The following NUP37 variants were observed in gnomAD, a reference collection of about 807,000 sequenced individuals.
NUP37 encodes the protein nucleoporin 37.
Under a neutral mutation model 45.4 loss-of-function variants are expected in NUP37, and 33 were observed. The observed-to-expected ratio is 0.73, with a 90% confidence interval of 0.55 to 0.97. The LOEUF is 0.97. Among genes scored for constraint, NUP37 ranks in the 50% least tolerant of loss-of-function variants. The probability of loss-of-function intolerance (pLI) is 0.00; values close to 1 mark genes in which losing one functional copy is unlikely to be tolerated. For synonymous variants in NUP37, 127 were observed against 130.7 expected (o/e 0.97, Z 0.19); for missense variants, 365 against 389.7 (o/e 0.94, Z 0.53).
chr12:102,114,008 T>G (rs1384494553), intron 2 of NUP37, among the ~76,000 whole-genome samples: 1 of 152,210 alleles, frequency 6.6e-6, no homozygotes, highest in Non-Finnish European at 1.5e-5. Flanking sequence ...AAAAAGTTTT[T>G]CCACAAATGA....
chr12:102,073,577 A>G lies in NUP37; in HGVS notation c.*777T>C, dbSNP rs1190224718. ...ATAAACAGGGTTGAGCAATATAATC[A>G]ATCACATATTTAAGAAACTGAAAAC... On this transcript the variant is annotated 3_prime_UTR_variant, in exon 10 of 10. Transcript: ENST00000552283. 6.6e-6 allele frequency: 1 copy of G among 152,250 alleles called. No individual in the cohort carries two copies. Among genetic ancestry groups the G allele is most frequent in the East Asian group, 1.9e-4 (1 of 5,202 alleles). The allele number at this position is 152,250 out of a possible 1,614,324, so 9.4% of individuals were successfully genotyped here.
chr12:102,076,345 A>G (rs1879166180), intron 8 of NUP37, among the ~76,000 whole-genome samples: 1 of 152,236 alleles, frequency 6.6e-6, no homozygotes, highest in Admixed American at 6.5e-5. Flanking sequence ...GGACCACACT[A>G]TACAATGGAG....
At chr12:102,104,190 T>C (rs1044251895) in intron 3 of NUP37, among the ~76,000 whole-genome samples, 2 of 152,138 alleles carry the variant, frequency 1.3e-5, no homozygotes, top group Non-Finnish European at 2.9e-5. Flanking sequence ...TCTCATGTGG[T>C]TTTGATTTGT....
At chr12:102,111,340 CAG>C (rs1442900523) in intron 3 of NUP37, among the ~76,000 whole-genome samples, 1 of 152,126 alleles carries the variant, frequency 6.6e-6, no homozygotes, top group Non-Finnish European at 1.5e-5. Flanking sequence ...GTGACAGAAA[CAG>C]TGCATGAATA....
In NUP37 at chr12:102,112,239, A is replaced by G. The variant is rs1880338796; in HGVS notation, c.157-7T>C. On this transcript the variant is annotated splice_region_variant and splice_polypyrimidine_tract_variant and intron_variant, in intron 2 of 9. Transcript: ENST00000552283. ...CAACGTCTGCTTCTTCTTCCTAAGC[A>G]TACACAGTAAATGTTTTAATAAGTA... 11 of 1,606,080 alleles carry G rather than the reference A, an allele frequency of 6.8e-6. No homozygotes were observed. The highest frequency in any genetic ancestry group is 1.1e-5 in the South Asian group (1 of 90,188).
chr12:102,085,623 T>TCTAGA, intron 6 of NUP37, 143 bp downstream of exon 6: 1 of 448,226 alleles, frequency 2.2e-6, no homozygotes, highest in East Asian at 3.5e-5. Flanking sequence ...AGTACAGGTT[T>TCTAGA]CTAGACTAAT....
rs778090459 is a variant in NUP37, at chr12:102,101,028, A to G, written c.354+4T>C. ...TCTAAAGATTTATATGGTTGTCAAC[A>G]TACCTTATATTCATTTTTATCCTGA... On this transcript the variant is annotated splice_donor_region_variant and intron_variant, in intron 4 of 9. Coordinates refer to ENST00000552283, the MANE Select transcript of NUP37 (RefSeq NM_024057.4). 32 of 1,469,386 alleles carry G rather than the reference A, an allele frequency of 2.2e-5. No individual in the cohort carries two copies. The East Asian group carries it at 7.6e-4, about 35-fold the overall frequency. 91.0% of individuals were successfully genotyped at this position (1,469,386 alleles called of 1,614,324 possible).
intron 5 of NUP37, among the ~76,000 whole-genome samples, chr12:102,091,995 G>A (rs1318746396): frequency 6.6e-6 from 1 of 152,022 alleles, no homozygotes; most frequent in Non-Finnish European, 1.5e-5. Context: ...TAACAAAAAG[G>A]TCCCATAAAT....
At chr12:102,105,589 C>A (rs1030292543) in intron 3 of NUP37, among the ~76,000 whole-genome samples, 1 of 151,738 alleles carries the variant, frequency 6.6e-6, no homozygotes, top group Non-Finnish European at 1.5e-5. Flanking sequence ...TCACGCCAGG[C>A]ACAGTGGCTC....
At chr12:102,115,896 G>T in intron 2 of NUP37, 1 of 555,766 alleles carries the variant, frequency 1.8e-6, no homozygotes, top group Non-Finnish European at 2.3e-6. Flanking sequence ...GTTTAACAGT[G>T]TTTAGCTAGA....
intron 6 of NUP37, among the ~76,000 whole-genome samples, chr12:102,080,237 TC>T (rs1431919503): frequency 1.3e-5 from 2 of 152,178 alleles, no homozygotes; most frequent in African/African-American, 4.8e-5. Context: ...ATTACAGTAT[TC>T]TTAATAGAAG....
intron 6 of NUP37, among the ~76,000 whole-genome samples, chr12:102,083,067 G>A (rs1023465730): frequency 6.6e-6 from 1 of 151,946 alleles, no homozygotes; most frequent in Non-Finnish European, 1.5e-5. Flanking sequence ...ATATGTAGGA[G>A]AAAAAACAAA....
chr12:102,088,000 A>G (rs1252209888), intron 5 of NUP37, among the ~76,000 whole-genome samples: 1 of 152,190 alleles, frequency 6.6e-6, no homozygotes, highest in Non-Finnish European at 1.5e-5. Context: ...ACAAACAAAA[A>G]CCTGACTTAA....
At chr12:102,116,845 CA>C (rs1415928705) in intron 2 of NUP37, among the ~76,000 whole-genome samples, 1 of 151,614 alleles carries the variant, frequency 6.6e-6, no homozygotes, top group Non-Finnish European at 1.5e-5. Context: ...ACTAAAGATA[CA>C]AAAAAGTTAG....
chr12:102,074,311 A>T lies in NUP37; in HGVS notation c.*43T>A, dbSNP rs771289715. 3 of 1,192,636 alleles carry T rather than the reference A, an allele frequency of 2.5e-6. No homozygotes were observed. The highest frequency in any genetic ancestry group is 1.9e-4 in the Middle Eastern group (1 of 5,172). The allele number at this position is 1,192,636 out of a possible 1,614,324, so 73.9% of individuals were successfully genotyped here. ...ACTATAGAAATTCTTCAAAATATGT[A>T]CTAAAAATACAAAGTTTGTGAATCT... On this transcript the variant is annotated 3_prime_UTR_variant, in exon 10 of 10. Transcript: ENST00000552283.
At chr12:102,107,846 T>C (rs1880198530) in intron 3 of NUP37, among the ~76,000 whole-genome samples, 1 of 151,540 alleles carries the variant, frequency 6.6e-6, no homozygotes, top group South Asian at 2.1e-4. Context: ...GATAAAACTA[T>C]AAAAAAAAGC....
At position 102,120,098 on chromosome 12, in the gene NUP37, C is replaced by T. The variant is rs987818203; in HGVS notation, c.-114G>A. ...GAGGCAGGCTGGTCTTCCTTGGGGG[C>T]TGCCGCGACGCGCTGTGGCTCTGCT... On this transcript the variant is annotated 5_prime_UTR_variant, in exon 1 of 10. Transcript: ENST00000552283. 3.5e-5 allele frequency: 6 copies of T among 173,220 alleles called. No individual in the cohort carries two copies. The highest frequency in any genetic ancestry group is 5.1e-5 in the Non-Finnish European group (4 of 79,126). The allele number at this position is 173,220 out of a possible 1,614,324, so 10.7% of individuals were successfully genotyped here. A position where few individuals can be genotyped will look rare whatever the true frequency, so the allele number is the denominator to read the frequency against.
chr12:102,108,410 A>G (rs1880218777), intron 3 of NUP37, among the ~76,000 whole-genome samples: 1 of 152,236 alleles, frequency 6.6e-6, no homozygotes, highest in South Asian at 2.1e-4. Context: ...CTTAGGCCAC[A>G]GATTGAAGGC....
intron 5 of NUP37, among the ~76,000 whole-genome samples, chr12:102,096,915 C>T (rs904629727): frequency 3.3e-5 from 5 of 151,718 alleles, no homozygotes; most frequent in Non-Finnish European, 7.4e-5. Context: ...GTGAACTAAG[C>T]TGTAAATTCT....
Sources: allele counts gnomAD v4.1 joint callset (sites outside exome capture counted in the v4.1 genomes callset), GRCh38; gene constraint gnomAD v4.1.1; transcripts MANE v1.5; gene names NCBI Gene and HGNC (gene_info 2026-07-23, HGNC 2026-07-21).